LRIT3: variants seen among roughly 807,000 people sequenced by gnomAD.
LRIT3 encodes the protein leucine rich repeat, Ig-like and transmembrane domains 3.
Under a neutral mutation model 22.6 loss-of-function variants are expected in LRIT3, and 14 were observed. The observed-to-expected ratio is 0.62, with a 90% confidence interval of 0.41 to 0.97. The LOEUF is 0.97. Ranked by LOEUF, LRIT3 falls within the 50% of genes least tolerant of loss-of-function variation. The pLI is 0.00. For synonymous variants in LRIT3, 306 were observed against 304.5 expected (o/e 1.01, Z -0.05); for missense variants, 783 against 803.0 (o/e 0.98, Z 0.30).
chr4:109,854,863 T>A (rs1275719675), intron 2 of LRIT3, among the ~76,000 whole-genome samples: 1 of 152,334 alleles, frequency 6.6e-6, no homozygotes, highest in East Asian at 1.9e-4. Flanking sequence ...GTTTATGTGA[T>A]GGATTACATT....
At chr4:109,859,405 T>A (rs1734481762) in intron 2 of LRIT3, among the ~76,000 whole-genome samples, 1 of 152,192 alleles carries the variant, frequency 6.6e-6, no homozygotes, top group Admixed American at 6.5e-5. Context: ...AGTGTGTGCA[T>A]CAGTAATTTC....
At position 109,851,969 on chromosome 4, in the gene LRIT3, T is replaced by A; in HGVS notation, c.582T>A (p.Ile194=). The A allele has an allele frequency of 3.2e-6, 5 of 1,540,208 alleles. No individual in the cohort carries two copies. The highest frequency in any genetic ancestry group is 4.4e-6 in the Non-Finnish European group (5 of 1,142,142). Residue 194 remains isoleucine, a synonymous_variant, in exon 2 of 4, where the codon ATT becomes ATA. Coordinates refer to ENST00000594814, the MANE Select transcript of LRIT3 (RefSeq NM_198506.5). ...SGVLDLSPSR[I]ILGLQDNPWF... ...TCCTGGACCTTTCCCCAAGCAGGAT[T>A]ATTCTTGGTAAGCTCGCAAGCCTCT...
intron 1 of LRIT3, among the ~76,000 whole-genome samples, chr4:109,850,422 C>CCTT (rs66553123): frequency 0.016 from 879 of 55,080 alleles, 175 homozygotes; most frequent in Middle Eastern, 0.042. Flanking sequence ...TTCCTTCCTT[C>CCTT]CTTTCTTTCT....
At chr4:109,868,506 G>T (rs1322683197) in intron 3 of LRIT3, among the ~76,000 whole-genome samples, 1 of 149,532 alleles carries the variant, frequency 6.7e-6, no homozygotes, top group Non-Finnish European at 1.5e-5. Context: ...GGGGGGTGGA[G>T]GTTGCAGTGA....
Position 109,867,682 on chromosome 4 carries a change from A to T in LRIT3, c.631A>T (p.Lys211Ter), listed in dbSNP as rs749820861. The change falls in exon 3 of 4, where the codon AAA (lysine) becomes TAA (stop). Residue 211 changes from lysine to a stop codon, truncating the protein, a stop_gained. Transcript: ENST00000594814. LOFTEE classifies it high-confidence loss of function. ...TTGGTTCTGTGACTGTCATATTTCCAAAATGATTGAGTTGTCAAAGGTCGT... is the reference window on the plus strand; with the variant it reads ...TTGGTTCTGTGACTGTCATATTTCCTAAATGATTGAGTTGTCAAAGGTCGT... ...NPWFCDCHIS[K>*]MIELSKVVDP... 1 of 1,614,152 alleles carries T rather than the reference A, an allele frequency of 6.2e-7. No homozygotes were observed. Among genetic ancestry groups the T allele is most frequent in the Non-Finnish European group, 8.5e-7 (1 of 1,179,992 alleles).
chr4:109,850,411 CTTCCTTCCTTCCTTTCTTTCT>C lies in LRIT3; in HGVS notation c.117-1089_117-1069del, dbSNP rs1734197996. Reference sequence around the variant, plus strand: ...CCTTCCTTCCTTCCTTCCTTCCTTCCTTCCTTCCTTCCTTTCTTTCTTTCTTTCTTTCTTTCTTTCTTTCTT... The same window carrying C: ...CCTTCCTTCCTTCCTTCCTTCCTTCCTTCTTTCTTTCTTTCTTTCTTTCTT... On this transcript the variant is annotated intron_variant, in intron 1 of 3. Transcript: ENST00000594814. Among the ~76,000 whole-genome samples, 27 of 11,532 alleles carry C rather than the reference CTTCCTTCCTTCCTTTCTTTCT, an allele frequency of 2.3e-3. 2 individuals are homozygous for C. The highest frequency in any genetic ancestry group is 5.5e-3 in the African/African-American group (20 of 3,666). 7.6% of individuals were successfully genotyped at this position (11,532 alleles called of 152,430 possible). A position where few individuals can be genotyped will look rare whatever the true frequency, so the allele number is the denominator to read the frequency against.
intron 1 of LRIT3, 80 bp downstream of exon 1, chr4:109,848,397 C>A: frequency 1.4e-6 from 1 of 729,854 alleles, no homozygotes; most frequent in Non-Finnish European, 1.9e-6. Flanking sequence ...CTTTTGAAAG[C>A]AAATGTTTGG....
chr4:109,859,663 T>C (rs901350875), intron 2 of LRIT3, among the ~76,000 whole-genome samples: 2 of 152,102 alleles, frequency 1.3e-5, no homozygotes, highest in Non-Finnish European at 2.9e-5. Flanking sequence ...ACCTCATGCA[T>C]CCGTTTATAG....
chr4:109,868,929 G>A (rs1243577234), intron 3 of LRIT3, among the ~76,000 whole-genome samples: 5 of 152,140 alleles, frequency 3.3e-5, no homozygotes, highest in East Asian at 1.9e-4. Flanking sequence ...ACTGTTCTGC[G>A]CATTATTATT....
At chr4:109,852,028 A>G in intron 2 of LRIT3, 52 bp downstream of exon 2, 8 of 1,439,414 alleles carry the variant, frequency 5.6e-6, no homozygotes, top group Non-Finnish European at 7.4e-6. Context: ...TGCTATGCAT[A>G]GCTTTTTTTG....
At position 109,867,674 on chromosome 4, in the gene LRIT3, A is replaced by T. The variant is rs1734716377; in HGVS notation, c.623A>T (p.His208Leu). The T allele has an allele frequency of 1.2e-6, 2 of 1,614,094 alleles. No homozygotes were observed. Among genetic ancestry groups the T allele is most frequent in the Non-Finnish European group, 1.7e-6 (2 of 1,179,962 alleles). ...GACAATCCTTGGTTCTGTGACTGTCATATTTCCAAAATGATTGAGTTGTCA... is the reference window on the plus strand; with the variant it reads ...GACAATCCTTGGTTCTGTGACTGTCTTATTTCCAAAATGATTGAGTTGTCA... ...LQDNPWFCDCHISKMIELSKV... is the reference protein window; with the variant it reads ...LQDNPWFCDCLISKMIELSKV... Residue 208 changes from histidine (H) to leucine (L), a missense_variant, in exon 3 of 4, where the codon CAT becomes CTT. Transcript: ENST00000594814.
At position 109,870,093 on chromosome 4, in the gene LRIT3, G is replaced by T. The variant is rs775758327; in HGVS notation, c.1344G>T (p.Gly448=). The change falls in exon 4 of 4, where the codon GGG becomes GGT. Residue 448 remains glycine (G), a synonymous_variant. Coordinates refer to ENST00000594814, the MANE Select transcript of LRIT3 (RefSeq NM_198506.5). ...GATCATTCCAGCTCCACCAAGGTGGGAAAAGAAATTTAAAGGTGGCAAAGA... is the reference window on the plus strand; with the variant it reads ...GATCATTCCAGCTCCACCAAGGTGGTAAAAGAAATTTAAAGGTGGCAAAGA... ...NKRSFQLHQG[G]KRNLKVAKNG... is the part of the protein sequence containing the mutation. 4.3e-6 allele frequency: 7 copies of T among 1,614,132 alleles called. No individual in the cohort carries two copies. In the Admixed American group the frequency reaches 1.2e-4, roughly 27 times the overall value.
At position 109,850,422 on chromosome 4, in the gene LRIT3, C is replaced by CCTTCCTTCCTTCCTTCCTT. The variant is rs66553123; in HGVS notation, c.117-1079_117-1078insCCTTCCTTCCTTCCTTCTT. ...TCCTTCCTTCCTTCCTTCCTTCCTT[C>CCTTCCTTCCTTCCTTCCTT]CTTTCTTTCTTTCTTTCTTTCTTTC... On this transcript the variant is annotated intron_variant, in intron 1 of 3. Coordinates refer to ENST00000594814, the MANE Select transcript of LRIT3 (RefSeq NM_198506.5). 1.6e-4 allele frequency among the ~76,000 whole-genome samples: 9 copies of CCTTCCTTCCTTCCTTCCTT among 55,110 alleles called. 2 individuals carry two copies. Among genetic ancestry groups the CCTTCCTTCCTTCCTTCCTT allele is most frequent in the Non-Finnish European group, 1.4e-4 (4 of 28,416 alleles). 36.2% of individuals were successfully genotyped at this position (55,110 alleles called of 152,430 possible). A position where few individuals can be genotyped will look rare whatever the true frequency, so the allele number is the denominator to read the frequency against.
intron 2 of LRIT3, among the ~76,000 whole-genome samples, chr4:109,852,753 A>G (rs745408705): frequency 6.6e-6 from 1 of 151,864 alleles, no homozygotes; most frequent in Non-Finnish European, 1.5e-5. Context: ...CCTACCCCAC[A>G]ACAGGCCCCA....
chr4:109,860,900 G>A (rs1230308750), intron 2 of LRIT3, among the ~76,000 whole-genome samples: 1 of 152,226 alleles, frequency 6.6e-6, no homozygotes, highest in South Asian at 2.1e-4. Context: ...GTATTCAATT[G>A]TATGAATGAA....
In LRIT3 at chr4:109,851,882, C is replaced by T; in HGVS notation, c.495C>T (p.Leu165=). The T allele has an allele frequency of 6.4e-7, 1 of 1,551,666 alleles. No individual in the cohort carries two copies. Among genetic ancestry groups the T allele is most frequent in the Non-Finnish European group, 8.7e-7 (1 of 1,146,972 alleles). Reference sequence around the variant, plus strand: ...ACTTGGATTTATCAAGCAACAGACTCACCACATTGCCACCAGATTTCCTGG... The same window carrying T: ...ACTTGGATTTATCAAGCAACAGACTTACCACATTGCCACCAGATTTCCTGG... ...LAYLDLSSNR[L]TTLPPDFLES... The change falls in exon 2 of 4, where the codon CTC becomes CTT. Residue 165 remains leucine, a synonymous_variant. Transcript: ENST00000594814.
chr4:109,860,848 T>C (rs554472777), intron 2 of LRIT3, among the ~76,000 whole-genome samples: 1 of 152,388 alleles, frequency 6.6e-6, no homozygotes, highest in South Asian at 2.1e-4. Context: ...TTGAAAATCA[T>C]CCATGCTGTC....
intron 2 of LRIT3, 144 bp downstream of exon 2, chr4:109,852,120 T>G: frequency 1.8e-5 from 13 of 732,502 alleles, no homozygotes; most frequent in Non-Finnish European, 2.8e-5. Context: ...TTAGTTAACC[T>G]AGGTCAAGTT....
At chr4:109,855,960 C>CAA (rs1333333784) in intron 2 of LRIT3, among the ~76,000 whole-genome samples, 3 of 152,096 alleles carry the variant, frequency 2.0e-5, no homozygotes, top group Admixed American at 2.0e-4. Context: ...AAGATGAGGG[C>CAA]GTTTATAGCC....
Sources: gnomAD v4.1 joint callset for allele counts (sites outside exome capture counted in the v4.1 genomes callset) on GRCh38, gnomAD v4.1.1 for gene constraint, MANE v1.5 for transcripts, NCBI Gene and HGNC (gene_info 2026-07-23, HGNC 2026-07-21) for gene names.